Variants in CFAP20DC observed in about 807,000 individuals in gnomAD.
CFAP20DC encodes the protein CFAP20 domain containing, also known as protein CFAP20DC.
Under a neutral mutation model 101.7 loss-of-function variants are expected in CFAP20DC, and 84 were observed. The observed-to-expected ratio is 0.83, with a 90% CI of 0.69 to 0.99. The LOEUF is 0.99. CFAP20DC is among the 50% of genes least tolerant of loss of function. The pLI, the probability that CFAP20DC is intolerant of heterozygous loss-of-function variation, is 0.00. For synonymous variants in CFAP20DC, 359 were observed against 351.2 expected, an observed-to-expected ratio of 1.02 and a Z score of -0.25; for missense variants, 1,007 against 970.3, an observed-to-expected ratio of 1.04 and a Z score of -0.50.
At chr3:59,018,861 C>T (rs1195518360) in intron 4 of CFAP20DC, 1 of 152,082 alleles carries the variant, frequency 6.6e-6, no homozygotes, top group African/African-American at 2.4e-5. Context: ...TAAATATACA[C>T]TGAAGTGTTT....
At chr3:58,817,960 G>T (rs1279385736) in intron 14 of CFAP20DC, among the ~76,000 whole-genome samples, 1 of 150,474 alleles carries the variant, frequency 6.6e-6, no homozygotes, top group Non-Finnish European at 1.5e-5. Context: ...AACTCTACAA[G>T]CCAGAAGAGA....
Position 58,799,106 on chromosome 3 carries a change from T to TG in CFAP20DC, c.2237+7288dup, listed in dbSNP as rs1187712937. On this transcript the variant is annotated intron_variant, in intron 15 of 16. Transcript: ENST00000482387. The surrounding 1 kb of genome is among the most constrained non-coding windows in gnomAD (Gnocchi z 4.9). ...TATGTATGTGTATGCATATAAATAA[T>TG]GGTTTTTTTTTTCTATTTGCTTACC... Among the ~76,000 whole-genome samples, 2 of 151,864 alleles carry TG rather than the reference T, an allele frequency of 1.3e-5. No homozygotes were observed. The highest frequency in any genetic ancestry group is 2.9e-5 in the Non-Finnish European group (2 of 67,930).
intron 5 of CFAP20DC, among the ~76,000 whole-genome samples, chr3:58,916,182 T>C (rs1437051562): frequency 2.0e-5 from 3 of 152,160 alleles, no homozygotes; most frequent in Admixed American, 6.6e-5. Context: ...TCTTCCCATC[T>C]AGGAAAGACT....
At chr3:58,819,114 C>G (rs1422043006) in intron 14 of CFAP20DC, among the ~76,000 whole-genome samples, 1 of 147,280 alleles carries the variant, frequency 6.8e-6, no homozygotes, top group Non-Finnish European at 1.5e-5. Flanking sequence ...ACACAACATA[C>G]CAGAATCTCT....
chr3:59,012,176 T>G (rs1015550254), intron 4 of CFAP20DC, among the ~76,000 whole-genome samples: 5 of 152,188 alleles, frequency 3.3e-5, no homozygotes, highest in Non-Finnish European at 7.3e-5. Flanking sequence ...GAAGTAGTCA[T>G]TAATTCAACT....
At chr3:59,041,068 C>T (rs977436984) in intron 3 of CFAP20DC, among the ~76,000 whole-genome samples, 2 of 152,050 alleles carry the variant, frequency 1.3e-5, no homozygotes, top group Admixed American at 6.6e-5. Context: ...CTTAAATAAA[C>T]CATCCTCAAT....
intron 4 of CFAP20DC, among the ~76,000 whole-genome samples, chr3:59,008,026 C>T (rs2093479596): frequency 6.6e-6 from 1 of 152,156 alleles, no homozygotes; most frequent in Non-Finnish European, 1.5e-5. Flanking sequence ...TTGTTCCCCC[C>T]AGCACTCCAT....
chr3:58,939,475 T>C (rs1217370502), intron 4 of CFAP20DC, among the ~76,000 whole-genome samples: 2 of 152,158 alleles, frequency 1.3e-5, no homozygotes, highest in South Asian at 4.1e-4. Context: ...TTTTATTTTT[T>C]TGAGACAGAG....
intron 15 of CFAP20DC, among the ~76,000 whole-genome samples, chr3:58,780,258 C>T (rs1288611400): frequency 6.6e-6 from 1 of 151,938 alleles, no homozygotes; most frequent in Non-Finnish European, 1.5e-5. Context: ...TTACTATTGT[C>T]ATGAAAACAC....
chr3:58,944,723 C>T (rs575699154), intron 4 of CFAP20DC, among the ~76,000 whole-genome samples: 1 of 152,220 alleles, frequency 6.6e-6, no homozygotes, highest in East Asian at 1.9e-4. Flanking sequence ...TTTCACTTCT[C>T]CCTCTCTCTC....
In CFAP20DC at chr3:58,871,536, T is replaced by C. The variant is rs188278830; in HGVS notation, c.716-1227A>G. Among the ~76,000 whole-genome samples the C allele has an allele frequency of 2.3e-4, 35 of 151,864 alleles. No individual in the cohort carries two copies. The East Asian group carries it at 6.0e-3, about 26-fold the overall frequency. On this transcript the variant is annotated intron_variant, in intron 7 of 16. Transcript: ENST00000482387. ...ATGACTGAATTCCGACTTTTCTTTT[T>C]TTTTTTTTTTTGAGACAGTCTTGCT...
rs2079449131 is a variant in CFAP20DC, at chr3:58,863,812, A to C, written c.1339T>G (p.Ser447Ala). The C allele has an allele frequency of 1.2e-6, 2 of 1,614,238 alleles. No homozygotes were observed. ...SRQSLLLGDD[S>A]CNPSHLWLEA... ...AGCCACAGGTGTGATGGGTTGCAGG[A>C]GTCATCACCCAGAAGTAGAGACTGT... Residue 447 changes from serine (S) to alanine (A), a missense_variant, in exon 12 of 17, where the codon TCC becomes GCC. Physicochemically the swap from Ser to Ala is moderately conservative, Grantham distance 99 (BLOSUM62 1). Transcript: ENST00000482387. The surrounding 1 kb of genome is among the most constrained non-coding windows in gnomAD (Gnocchi z 5.9).
Position 58,892,643 on chromosome 3 carries a change from TTGG to T in CFAP20DC, c.551-7937_551-7935del, listed in dbSNP as rs111698942. On this transcript the variant is annotated intron_variant, in intron 6 of 16. Transcript: ENST00000482387. The surrounding 1 kb of genome is among the most constrained non-coding windows in gnomAD (Gnocchi z 4.0). ...GATTTGGCTCTCTGCTTGCCTGTTG[TTGG>T]TGTATAGGAATGCTAGCAATGTTTG... 3.3e-5 allele frequency among the ~76,000 whole-genome samples: 5 copies of T among 152,298 alleles called. No individual in the cohort carries two copies. The highest frequency in any genetic ancestry group is 1.2e-4 in the African/African-American group (5 of 41,568).
At chr3:58,917,427 A>G (rs2084856652) in intron 5 of CFAP20DC, among the ~76,000 whole-genome samples, 1 of 152,204 alleles carries the variant, frequency 6.6e-6, no homozygotes, top group Admixed American at 6.5e-5. Flanking sequence ...TTAGTGCAGA[A>G]AAAGCCTGTT....
chr3:58,742,281 T>G lies in CFAP20DC; in HGVS notation c.*179A>C. On this transcript the variant is annotated 3_prime_UTR_variant, in exon 17 of 17. Transcript: ENST00000482387. ...CTTCAGTTTCAAAATCATACTCATC[T>G]ACAAAAGGAATATAGGTATTCTTAA... 8.5e-7 allele frequency: 1 copy of G among 1,178,934 alleles called. No individual in the cohort carries two copies. The highest frequency in any genetic ancestry group is 1.1e-6 in the Non-Finnish European group (1 of 950,936). 73.0% of individuals were successfully genotyped at this position (1,178,934 alleles called of 1,614,324 possible). A position where few individuals can be genotyped will look rare whatever the true frequency, so the allele number is the denominator to read the frequency against.
chr3:58,812,299 C>G (rs1476004071), intron 14 of CFAP20DC, among the ~76,000 whole-genome samples: 2 of 152,048 alleles, frequency 1.3e-5, no homozygotes, highest in South Asian at 2.1e-4. Flanking sequence ...AGACTTGGAA[C>G]CAACCCAAAT....
intron 14 of CFAP20DC, among the ~76,000 whole-genome samples, chr3:58,809,988 C>A (rs998639282): frequency 1.3e-5 from 2 of 152,036 alleles, no homozygotes; most frequent in African/African-American, 2.4e-5. Flanking sequence ...ATACACCATC[C>A]CACGACTAAA....
rs567809206 is a variant in CFAP20DC, at chr3:58,876,018, A to G, written c.716-5709T>C. 5.3e-5 allele frequency among the ~76,000 whole-genome samples: 8 copies of G among 152,302 alleles called. No homozygotes were observed. In the South Asian group the frequency reaches 1.5e-3, roughly 28 times the overall value. ...CATTCTATATTTCATAATCCTATCTACTATAGAATTTATTTAAAGAGTAAT... is the reference window on the plus strand; with the variant it reads ...CATTCTATATTTCATAATCCTATCTGCTATAGAATTTATTTAAAGAGTAAT... On this transcript the variant is annotated intron_variant, in intron 7 of 16. Coordinates refer to ENST00000482387, the MANE Select transcript of CFAP20DC (RefSeq NM_001394063.1).
chr3:58,876,418 T>C (rs1576080242), intron 7 of CFAP20DC, among the ~76,000 whole-genome samples: 2 of 152,052 alleles, frequency 1.3e-5, no homozygotes, highest in African/African-American at 4.8e-5. Flanking sequence ...CAAGCAGAAA[T>C]GCATGCTTTT....
Sources: gnomAD v4.1 joint callset for allele counts (sites outside exome capture counted in the v4.1 genomes callset) on GRCh38, gnomAD v4.1.1 for gene constraint, Gnocchi (gnomAD v3.1) non-coding constraint, MANE v1.5 for transcripts, NCBI Gene and HGNC (gene_info 2026-07-23, HGNC 2026-07-21) for gene names.